PDE4D: variants seen among roughly 807,000 people sequenced by gnomAD.
The protein encoded by PDE4D is phosphodiesterase 4D.
A neutral mutation model predicts 87.4 loss-of-function variants in PDE4D; 24 were observed. That is an observed-to-expected ratio of 0.27 (90% CI 0.20 to 0.39). The LOEUF (loss-of-function observed/expected upper bound fraction) is 0.39, where lower values mean the gene tolerates loss of function less well. Ranked by LOEUF, PDE4D falls within the 10% of genes least tolerant of loss-of-function variation. The probability of loss-of-function intolerance (pLI) is 1.00; values close to 1 mark genes in which losing one functional copy is unlikely to be tolerated. For synonymous variants in PDE4D, 384 were observed against 383.2 expected (o/e 1.00, Z -0.02); for missense variants, 714 against 1,041.0 (o/e 0.69, Z 4.32).
At chr5:60,218,533 A>T (rs1744129561) in intron 1 of PDE4D, among the ~76,000 whole-genome samples, 1 of 152,046 alleles carries the variant, frequency 6.6e-6, no homozygotes, top group South Asian at 2.1e-4. Flanking sequence ...AATAAATTTT[A>T]AAAATGCCAC....
rs1008396133 is a variant in PDE4D, at chr5:60,285,488, C to T, written c.-89-99801G>A. 2.0e-4 allele frequency among the ~76,000 whole-genome samples: 30 copies of T among 151,876 alleles called. No individual in the cohort carries two copies. The South Asian group carries it at 2.1e-3, about 11-fold the overall frequency. ...AAAAAAAAAACCTGCCTAATGCTCCCCATTACAACTAGAAAGTAACCTTAA... is the reference window on the plus strand; with the variant it reads ...AAAAAAAAAACCTGCCTAATGCTCCTCATTACAACTAGAAAGTAACCTTAA... On this transcript the variant is annotated intron_variant, in intron 1 of 16. Coordinates refer to the PDE4D transcript ENST00000502484.
At chr5:59,454,377 G>A (rs970977014) in intron 1 of PDE4D, among the ~76,000 whole-genome samples, 1 of 152,272 alleles carries the variant, frequency 6.6e-6, no homozygotes, top group African/African-American at 2.4e-5. Flanking sequence ...TAGTAAATGA[G>A]TCTTACAAAA....
At chr5:58,992,770 A>C (rs1313797856) in intron 7 of PDE4D, among the ~76,000 whole-genome samples, 1 of 152,200 alleles carries the variant, frequency 6.6e-6, no homozygotes, top group Admixed American at 6.5e-5. Flanking sequence ...AGTGTTTAAT[A>C]AATGTTAACT....
chr5:60,054,053 G>A (rs866537536), intron 2 of PDE4D, among the ~76,000 whole-genome samples: 7 of 152,304 alleles, frequency 4.6e-5, no homozygotes, highest in Admixed American at 1.3e-4. Flanking sequence ...TGGAGAGGAC[G>A]TGGAGAAAAA....
At chr5:59,066,835 C>T (rs1764006943) in intron 5 of PDE4D, among the ~76,000 whole-genome samples, 1 of 151,956 alleles carries the variant, frequency 6.6e-6, no homozygotes, top group African/African-American at 2.4e-5. Context: ...CTTGCCCCTT[C>T]CACCATGTGA....
At position 60,431,237 on chromosome 5, in the gene PDE4D, G is replaced by A. The variant is rs532474949; in HGVS notation, c.-90+56705C>T. ...CGGAGACGCTCCTCACTTCCCAGACGGGGTGGCTGCCAGGCGGAGGGGCTC... is the reference window on the plus strand; with the variant it reads ...CGGAGACGCTCCTCACTTCCCAGACAGGGTGGCTGCCAGGCGGAGGGGCTC... On this transcript the variant is annotated intron_variant, in intron 1 of 16. Coordinates refer to the PDE4D transcript ENST00000502484. 3.9e-4 allele frequency: 74 copies of A among 190,488 alleles called. No individual in the cohort carries two copies. The South Asian group carries it at 5.7e-3, about 15-fold the overall frequency. The allele number at this position is 190,488 out of a possible 1,614,324, so 11.8% of individuals were successfully genotyped here. A position where few individuals can be genotyped will look rare whatever the true frequency, so the allele number is the denominator to read the frequency against.
At chr5:60,418,088 C>G (rs923336501) in intron 1 of PDE4D, among the ~76,000 whole-genome samples, 7 of 151,914 alleles carry the variant, frequency 4.6e-5, no homozygotes, top group African/African-American at 1.7e-4. Context: ...CACAGGAAAA[C>G]ATTGATTCGG....
intron 2 of PDE4D, among the ~76,000 whole-genome samples, chr5:60,054,403 C>G (rs1166502333): frequency 6.6e-6 from 1 of 152,090 alleles, no homozygotes; most frequent in Non-Finnish European, 1.5e-5. Context: ...AAGCTGGAAA[C>G]CATCATTCTC....
chr5:60,336,523 T>C (rs1173791223), intron 1 of PDE4D, among the ~76,000 whole-genome samples: 1 of 152,204 alleles, frequency 6.6e-6, no homozygotes, highest in Non-Finnish European at 1.5e-5. Context: ...CACAACACAA[T>C]TTGGCTGCAA....
chr5:60,511,017 TG>T (rs1750547851), intron 1 of PDE4D, among the ~76,000 whole-genome samples: 1 of 152,166 alleles, frequency 6.6e-6, no homozygotes, highest in Non-Finnish European at 1.5e-5. Flanking sequence ...TCGCCCAGGC[TG>T]GAGTGGAGTG....
chr5:59,574,099 T>A (rs1165793682), intron 1 of PDE4D, among the ~76,000 whole-genome samples: 4 of 2,874 alleles, frequency 1.4e-3, no homozygotes, highest in African/African-American at 2.6e-3. Context: ...TATATAAATA[T>A]ATATTTATAT....
intron 1 of PDE4D, among the ~76,000 whole-genome samples, chr5:60,331,582 C>A (rs751636855): frequency 1.3e-5 from 2 of 152,190 alleles, no homozygotes; most frequent in East Asian, 1.9e-4. Flanking sequence ...TTTGGACTAC[C>A]CTGGCAGGAA....
intron 1 of PDE4D, among the ~76,000 whole-genome samples, chr5:59,367,149 T>C (rs1213831458): frequency 1.3e-5 from 2 of 152,150 alleles, no homozygotes; most frequent in African/African-American, 4.8e-5. Context: ...TAGTATAAAC[T>C]CATTACAGCA....
At chr5:60,373,932 G>T (rs1010056653) in intron 1 of PDE4D, among the ~76,000 whole-genome samples, 3 of 152,044 alleles carry the variant, frequency 2.0e-5, no homozygotes, top group Non-Finnish European at 4.4e-5. Flanking sequence ...GGACCCTTGT[G>T]ATTACACTGG....
Position 59,668,956 on chromosome 5 carries a change from C to T in PDE4D, c.455+224212G>A, listed in dbSNP as rs554372079. On this transcript the variant is annotated intron_variant, in intron 1 of 14. Transcript: ENST00000340635. Reference sequence around the variant, plus strand: ...AAGAATTAGTTCACTGACTTAAAAACAGGCCTACTGAGGGTCACAGATTCT... The same window carrying T: ...AAGAATTAGTTCACTGACTTAAAAATAGGCCTACTGAGGGTCACAGATTCT... 2.8e-4 allele frequency among the ~76,000 whole-genome samples: 43 copies of T among 151,936 alleles called. 1 individual carries two copies. The highest frequency in any genetic ancestry group is 7.7e-4 in the African/African-American group (32 of 41,444).
intron 1 of PDE4D, among the ~76,000 whole-genome samples, chr5:60,187,974 G>T (rs980342568): frequency 6.6e-6 from 1 of 152,076 alleles, no homozygotes; most frequent in Non-Finnish European, 1.5e-5. Flanking sequence ...AGAATGTTTG[G>T]CTCATAGGAG....
intron 3 of PDE4D, among the ~76,000 whole-genome samples, chr5:59,957,207 AATT>A (rs1260956552): frequency 7.2e-5 from 11 of 152,140 alleles, no homozygotes; most frequent in East Asian, 1.9e-4. Flanking sequence ...TTCTTTTTTT[AATT>A]ATTATTATTT....
At chr5:60,272,566 T>C (rs1383360881) in intron 1 of PDE4D, among the ~76,000 whole-genome samples, 1 of 152,190 alleles carries the variant, frequency 6.6e-6, no homozygotes, top group East Asian at 1.9e-4. Flanking sequence ...AGGCAGTTTA[T>C]TCTTCTCCAA....
chr5:60,020,033 T>C (rs1021270492), intron 2 of PDE4D, among the ~76,000 whole-genome samples: 3 of 152,122 alleles, frequency 2.0e-5, no homozygotes, highest in Admixed American at 2.0e-4. Flanking sequence ...GATTGAAAAC[T>C]CTTGAACATG....
Sources: allele counts gnomAD v4.1 joint callset (sites outside exome capture counted in the v4.1 genomes callset), GRCh38; gene constraint gnomAD v4.1.1; transcripts MANE v1.5; gene names NCBI Gene and HGNC (gene_info 2026-07-23, HGNC 2026-07-21).